CUX2: variants seen among roughly 807,000 people sequenced by gnomAD.
The protein encoded by CUX2 is cut like homeobox 2.
A neutral mutation model predicts 144.8 loss-of-function variants in CUX2; 40 were observed. That is an observed-to-expected ratio of 0.28 (90% CI 0.21 to 0.36). CUX2 has a LOEUF of 0.36. Among genes scored for constraint, CUX2 ranks in the 10% least tolerant of loss-of-function variants. The pLI is 1.00. For missense variants in CUX2, 1,615 were observed against 1,994.0 expected (o/e 0.81, Z 3.62); for synonymous variants, 827 against 875.6 (o/e 0.94, Z 0.98).
intron 1 of CUX2, among the ~76,000 whole-genome samples, chr12:111,170,313 C>T (rs1878432839): frequency 6.6e-6 from 1 of 151,926 alleles, no homozygotes; most frequent in Non-Finnish European, 1.5e-5. Flanking sequence ...CCTGTAATCC[C>T]AGCTACTCGG....
At chr12:111,205,295 GCTCTGAACATC>G (rs1206803559) in intron 1 of CUX2, among the ~76,000 whole-genome samples, 2 of 152,022 alleles carry the variant, frequency 1.3e-5, no homozygotes, top group African/African-American at 4.8e-5. Flanking sequence ...AAGTCCCTTT[GCTCTGAACATC>G]CCCTGAAGCC....
chr12:111,323,529 C>T (rs1475604012), intron 18 of CUX2, among the ~76,000 whole-genome samples: 3 of 152,206 alleles, frequency 2.0e-5, no homozygotes, highest in Non-Finnish European at 2.9e-5. Flanking sequence ...TGGGGGCTCA[C>T]GCCTGTAATC....
chr12:111,186,597 A>G lies in CUX2; in HGVS notation c.64-27603A>G, dbSNP rs1879547445. Among the ~76,000 whole-genome samples, 1 of 152,156 alleles carries G rather than the reference A, an allele frequency of 6.6e-6. No individual in the cohort carries two copies. Among genetic ancestry groups the G allele is most frequent in the African/African-American group, 2.4e-5 (1 of 41,436 alleles). The stretch of plus-strand genomic sequence containing the variant: ...GGCGACTCTGTGGCGTGAGGCTCGC[A>G]GCTGCACAGAGGCAGGGTCCCTGGG... On this transcript the variant is annotated intron_variant, in intron 1 of 21. Transcript: ENST00000261726. This position sits in a 1 kb window ranked among gnomAD's most constrained non-coding sequence, Gnocchi z 4.4.
chr12:111,052,884 T>C (rs1234311206), intron 1 of CUX2, among the ~76,000 whole-genome samples: 1 of 152,224 alleles, frequency 6.6e-6, no homozygotes, highest in East Asian at 1.9e-4. Context: ...TTGATCTCAC[T>C]GTGATGGAGG....
intron 19 of CUX2, among the ~76,000 whole-genome samples, chr12:111,336,782 T>G (rs1485920342): frequency 6.6e-6 from 1 of 152,084 alleles, no homozygotes; most frequent in Non-Finnish European, 1.5e-5. Context: ...TTTGACACTT[T>G]CTGAACACAT....
intron 4 of CUX2, among the ~76,000 whole-genome samples, chr12:111,281,976 G>A (rs1202926508): frequency 6.6e-6 from 1 of 152,132 alleles, no homozygotes; most frequent in African/African-American, 2.4e-5. Context: ...CTTGGCCAGG[G>A]TGGTGGGGAG....
intron 1 of CUX2, among the ~76,000 whole-genome samples, chr12:111,080,833 T>C (rs576771775): frequency 6.6e-6 from 1 of 152,368 alleles, no homozygotes; most frequent in South Asian, 2.1e-4. Flanking sequence ...AGGCACTTCC[T>C]GGTATATAAT....
At chr12:111,159,743 G>A (rs1223740810) in intron 1 of CUX2, among the ~76,000 whole-genome samples, 1 of 152,218 alleles carries the variant, frequency 6.6e-6, no homozygotes, top group African/African-American at 2.4e-5. Context: ...CAGAAAAGGA[G>A]GCCAGGCGCA....
chr12:111,229,962 T>A (rs573686687), intron 3 of CUX2, among the ~76,000 whole-genome samples: 1 of 147,104 alleles, frequency 6.8e-6, no homozygotes, highest in Admixed American at 6.9e-5. Context: ...TGCAGTGAAC[T>A]GAGATCGTGC....
Position 111,295,769 on chromosome 12 carries a change from A to AATTAATTAATTAATTAATTT in CUX2, c.637+371_637+372insAATTAATTTATTAATTAATT, listed in dbSNP as rs1256443776. 6.6e-6 allele frequency among the ~76,000 whole-genome samples: 1 copy of AATTAATTAATTAATTAATTT among 151,416 alleles called. No homozygotes were observed. Among genetic ancestry groups the AATTAATTAATTAATTAATTT allele is most frequent in the African/African-American group, 2.4e-5 (1 of 41,036 alleles). ...CCTGTCTCTAATTAATTAATTAATT[A>AATTAATTAATTAATTAATTT]ATTAATTAATTTAATACAACCCCTG... On this transcript the variant is annotated intron_variant, in intron 7 of 21. Coordinates refer to ENST00000261726, the MANE Select transcript of CUX2 (RefSeq NM_015267.4). The surrounding 1 kb of genome is among the most constrained non-coding windows in gnomAD (Gnocchi z 5.0).
chr12:111,308,278 C>T lies in CUX2; in HGVS notation c.1110-7C>T, dbSNP rs1375059865. On this transcript the variant is annotated splice_polypyrimidine_tract_variant and splice_region_variant and intron_variant, in intron 12 of 21. Coordinates refer to ENST00000261726, the MANE Select transcript of CUX2 (RefSeq NM_015267.4). ...TGACCTCAGACCCTCTCCACTTGCT[C>T]TGGCAGCATCCTGAAAGCCATGAAG... The T allele has an allele frequency of 1.2e-6, 2 of 1,614,152 alleles. No homozygotes were observed. Among genetic ancestry groups the T allele is most frequent in the East Asian group, 2.2e-5 (1 of 44,882 alleles).
chr12:111,073,184 A>G (rs113693334), intron 1 of CUX2, among the ~76,000 whole-genome samples: 2,216 of 152,138 alleles, frequency 0.015, 92 homozygotes, highest in African/African-American at 0.051. Flanking sequence ...TCCAGTCACT[A>G]CCAACCACCC....
At chr12:111,115,086 A>G (rs1331977437) in intron 1 of CUX2, among the ~76,000 whole-genome samples, 1 of 152,076 alleles carries the variant, frequency 6.6e-6, no homozygotes, top group Non-Finnish European at 1.5e-5. Flanking sequence ...GTAAGTTCTG[A>G]AATTGGATAG....
At chr12:111,325,334 C>A (rs1258956829) in intron 18 of CUX2, among the ~76,000 whole-genome samples, 1 of 152,126 alleles carries the variant, frequency 6.6e-6, no homozygotes, top group Admixed American at 6.5e-5. Flanking sequence ...TGCTAATGAC[C>A]GCTGCCACTT....
At chr12:111,096,168 G>A (rs577974648) in intron 1 of CUX2, among the ~76,000 whole-genome samples, 9 of 152,262 alleles carry the variant, frequency 5.9e-5, no homozygotes, top group Admixed American at 3.9e-4. Flanking sequence ...GCTGCCTGGT[G>A]CTCAGAGCAG....
At chr12:111,108,599 CCT>C (rs1253344661) in intron 1 of CUX2, among the ~76,000 whole-genome samples, 2 of 151,716 alleles carry the variant, frequency 1.3e-5, no homozygotes, top group East Asian at 3.9e-4. Context: ...ATCTGTTTCC[CCT>C]CTCTCTCTGC....
chr12:111,124,561 T>TAG (rs1228685736), intron 1 of CUX2, among the ~76,000 whole-genome samples: 2 of 152,164 alleles, frequency 1.3e-5, no homozygotes. Flanking sequence ...TATAGAAAGG[T>TAG]AGTGGGAAGT....
In CUX2 at chr12:111,320,198, G is replaced by A. The variant is rs1168772887; in HGVS notation, c.2189G>A (p.Arg730Gln). 2.6e-6 allele frequency: 4 copies of A among 1,536,334 alleles called. No homozygotes were observed. Among genetic ancestry groups the A allele is most frequent in the African/African-American group, 2.8e-5 (2 of 72,436 alleles). The change falls in exon 17 of 22, where the codon CGG (arginine) becomes CAG (glutamine). Residue 730 changes from arginine to glutamine, a missense_variant. Arg to Gln is a conservative substitution (Grantham distance 43). Around this residue, in one of 12 missense-constraint regions of CUX2, gnomAD observed 390 missense variants for 387.1 expected, o/e 1.01. Transcript: ENST00000261726. This position sits in a 1 kb window ranked among gnomAD's most constrained non-coding sequence, Gnocchi z 8.1. ...TCGGTGCCCCCCTCGCCCCCGGAGC[G>A]GCCATCACTGGCCACCGCGAGCCAG... ...GRSVPPSPPE[R>Q]PSLATASQNG...
intron 10 of CUX2, among the ~76,000 whole-genome samples, 194 bp from the exon 11 acceptor site, chr12:111,306,727 T>A (rs991493775): frequency 6.6e-6 from 1 of 152,218 alleles, no homozygotes; most frequent in Non-Finnish European, 1.5e-5. Context: ...TTAATCAAAG[T>A]GTAACTTAAT....
Sources: gnomAD v4.1 joint callset for allele counts (sites outside exome capture counted in the v4.1 genomes callset) on GRCh38, gnomAD v4.1.1 for gene constraint, gnomAD v4.1.1 regional missense constraint, Gnocchi (gnomAD v3.1) non-coding constraint, MANE v1.5 for transcripts, NCBI Gene and HGNC (gene_info 2026-07-23, HGNC 2026-07-21) for gene names.